The following ABCD3 variants were observed in gnomAD, a reference collection of about 807,000 sequenced individuals.
ABCD3 encodes the protein ATP binding cassette subfamily D member 3.
A neutral mutation model predicts 105.5 loss-of-function variants in ABCD3; 41 were observed. The ratio of observed to expected loss-of-function variants is 0.39; its 90% CI spans 0.30 to 0.50. ABCD3 has a LOEUF of 0.50. Among genes scored for constraint, ABCD3 ranks in the 20% least tolerant of loss-of-function variants. The pLI, the probability that ABCD3 is intolerant of heterozygous loss-of-function variation, is 0.84. For missense variants in ABCD3, 622 were observed against 806.3 expected, an observed-to-expected ratio of 0.77 and a Z score of 2.77; for synonymous variants, 258 against 269.0, an observed-to-expected ratio of 0.96 and a Z score of 0.40.
the ABCD3 span, among the ~76,000 whole-genome samples, chr1:94,391,970 G>T: frequency 6.6e-6 from 1 of 152,178 alleles, no homozygotes; most frequent in Non-Finnish European, 1.5e-5. Context: ...CGGTGGGGGA[G>T]GGAGTGGTTG....
chr1:94,444,160 C>T (rs558795757), intron 1 of ABCD3, among the ~76,000 whole-genome samples: 4 of 151,826 alleles, frequency 2.6e-5, no homozygotes, highest in African/African-American at 4.8e-5. Flanking sequence ...GGTGAAACCT[C>T]GTCTCTCCTA....
At chr1:94,451,576 A>G (rs1187327110) in intron 1 of ABCD3, among the ~76,000 whole-genome samples, 6 of 152,206 alleles carry the variant, frequency 3.9e-5, no homozygotes. Context: ...TGTATTTCCA[A>G]GTCATTGTCA....
rs1398719172 is a variant in ABCD3, at chr1:94,489,408, C to CT, written c.1158-316dup. 4.6e-5 allele frequency among the ~76,000 whole-genome samples: 7 copies of CT among 152,036 alleles called. 1 individual carries two copies. Among genetic ancestry groups the CT allele is most frequent in the Admixed American group, 3.9e-4 (6 of 15,248 alleles). On this transcript the variant is annotated intron_variant, in intron 13 of 22. Coordinates refer to ENST00000370214, the MANE Select transcript of ABCD3 (RefSeq NM_002858.4). ...ATACTTCCTGGGTCTAAGGAATATACTAGTAGTGGTCCTTTTGTAGTATCC... is the reference window on the plus strand; with the variant it reads ...ATACTTCCTGGGTCTAAGGAATATACTTAGTAGTGGTCCTTTTGTAGTATCC...
At chr1:94,494,245 T>C (rs1163768963) in intron 16 of ABCD3, among the ~76,000 whole-genome samples, 2 of 152,184 alleles carry the variant, frequency 1.3e-5, no homozygotes, top group African/African-American at 4.8e-5. Context: ...GGGTTTCATT[T>C]GGAAAGTCTT....
chr1:94,425,312 TTTG>T (rs1444222020), intron 1 of ABCD3, among the ~76,000 whole-genome samples: 8 of 152,136 alleles, frequency 5.3e-5, no homozygotes, highest in Non-Finnish European at 1.0e-4. Context: ...ACGTACATGT[TTTG>T]TTATTTTCAT....
chr1:94,446,793 CT>C (rs1660364794), intron 1 of ABCD3, among the ~76,000 whole-genome samples: 1 of 152,278 alleles, frequency 6.6e-6, no homozygotes, highest in East Asian at 1.9e-4. Flanking sequence ...GGTAAAGCCC[CT>C]GAAGTATATC....
chr1:94,503,309 G>T (rs572487727), intron 20 of ABCD3, among the ~76,000 whole-genome samples: 12 of 152,280 alleles, frequency 7.9e-5, no homozygotes, highest in African/African-American at 2.6e-4. Context: ...GGAGCAGAGA[G>T]GAGAGGCATT....
chr1:94,435,986 T>C (rs1447650474), intron 1 of ABCD3, among the ~76,000 whole-genome samples: 3 of 152,230 alleles, frequency 2.0e-5, no homozygotes, highest in Admixed American at 2.0e-4. Context: ...GCTTTAGTGA[T>C]CTTTGATAGC....
the ABCD3 span, among the ~76,000 whole-genome samples, chr1:94,399,871 C>T: frequency 6.6e-6 from 1 of 152,118 alleles, no homozygotes; most frequent in Non-Finnish European, 1.5e-5. Flanking sequence ...GAAATAAAAC[C>T]TTCCCATTCT....
intron 1 of ABCD3, among the ~76,000 whole-genome samples, chr1:94,456,754 G>A (rs1367877023): frequency 6.6e-6 from 1 of 151,944 alleles, no homozygotes; most frequent in East Asian, 1.9e-4. Flanking sequence ...ATTTCCTTAG[G>A]ATCTATACCC....
intron 8 of ABCD3, among the ~76,000 whole-genome samples, chr1:94,479,735 G>A (rs1160789453): frequency 6.6e-6 from 1 of 152,050 alleles, no homozygotes; most frequent in African/African-American, 2.4e-5. Flanking sequence ...AACTGTTCAG[G>A]AAACATTTAT....
chr1:94,390,995 T>C, the ABCD3 span, among the ~76,000 whole-genome samples: 1 of 152,238 alleles, frequency 6.6e-6, no homozygotes, highest in African/African-American at 2.4e-5. Context: ...ACAACATTTC[T>C]TGAAAAGTCT....
intron 21 of ABCD3, among the ~76,000 whole-genome samples, chr1:94,510,077 A>T (rs1650585794): frequency 1.3e-5 from 2 of 151,748 alleles, no homozygotes; most frequent in African/African-American, 4.8e-5. Context: ...TTTAATTGTG[A>T]TGTTAGGGTG....
At chr1:94,412,545 G>C in the ABCD3 span, among the ~76,000 whole-genome samples, 13 of 152,274 alleles carry the variant, frequency 8.5e-5, no homozygotes, top group South Asian at 2.7e-3. Flanking sequence ...TGGACATTTA[G>C]AAAAGTTCCC....
At chr1:94,478,124 T>G (rs1648851618) in intron 7 of ABCD3, 135 bp from the exon 8 acceptor site, 1 of 629,756 alleles carries the variant, frequency 1.6e-6, no homozygotes, top group African/African-American at 1.9e-5. Flanking sequence ...CACAGTACAT[T>G]GTACATAGTG....
chr1:94,402,264 T>C, the ABCD3 span, among the ~76,000 whole-genome samples: 1 of 152,236 alleles, frequency 6.6e-6, no homozygotes, highest in Non-Finnish European at 1.5e-5. Context: ...TGTTCTTTAA[T>C]ATGTCTTTAA....
the ABCD3 span, among the ~76,000 whole-genome samples, chr1:94,408,965 G>T: frequency 0.41 from 62,259 of 151,730 alleles, 13,038 homozygotes; most frequent in Admixed American, 0.48. Context: ...ACACTCCTAT[G>T]CGCTTTCTTT....
intron 1 of ABCD3, among the ~76,000 whole-genome samples, chr1:94,449,230 C>T (rs540949701): frequency 6.6e-6 from 1 of 152,164 alleles, no homozygotes; most frequent in Non-Finnish European, 1.5e-5. Flanking sequence ...TAGTTGCAGC[C>T]ATGTCGAGAT....
intron 16 of ABCD3, 142 bp downstream of exon 16, chr1:94,491,389 A>G: frequency 2.9e-6 from 2 of 678,066 alleles, no homozygotes; most frequent in Non-Finnish European, 5.0e-6. Context: ...AAGTCTTTGA[A>G]ACGCTTAGAA....
Sources: allele counts gnomAD v4.1 joint callset (sites outside exome capture counted in the v4.1 genomes callset), GRCh38; gene constraint gnomAD v4.1.1; transcripts MANE v1.5; gene names NCBI Gene and HGNC (gene_info 2026-07-23, HGNC 2026-07-21).